The following PPTC7 variants were observed in gnomAD, a reference collection of about 807,000 sequenced individuals.
PPTC7 encodes protein phosphatase targeting COQ7.
In PPTC7, 6 loss-of-function variants were observed where a neutral mutation model predicts 30.8. The ratio of observed to expected loss-of-function variants is 0.19; its 90% CI spans 0.11 to 0.38. The LOEUF is 0.38. PPTC7 is among the 10% of genes least tolerant of loss of function. The pLI, the probability that PPTC7 is intolerant of heterozygous loss-of-function variation, is 1.00. For synonymous variants in PPTC7, 163 were observed against 168.1 expected, an observed-to-expected ratio of 0.97 and a Z score of 0.23; for missense variants, 218 against 404.8, an observed-to-expected ratio of 0.54 and a Z score of 3.96.
chr12:110,562,110 T>G (rs1389131128), intron 1 of PPTC7, among the ~76,000 whole-genome samples: 1 of 151,614 alleles, frequency 6.6e-6, no homozygotes, highest in African/African-American at 2.4e-5. Flanking sequence ...AGCAAGACAC[T>G]GTCTCTATTT....
At chr12:110,538,424 C>T in intron 4 of PPTC7, 151 bp from the exon 5 acceptor site, 1 of 677,908 alleles carries the variant, frequency 1.5e-6, no homozygotes, top group Non-Finnish European at 2.4e-6. Context: ...TCCAGTGCTG[C>T]CTGCACAAGG....
intron 1 of PPTC7, among the ~76,000 whole-genome samples, chr12:110,554,097 C>G (rs1482228057): frequency 6.6e-6 from 1 of 152,208 alleles, no homozygotes; most frequent in East Asian, 1.9e-4. Context: ...AAGTGATCTG[C>G]CCATCTCGGC....
chr12:110,575,393 T>C (rs927288507), intron 1 of PPTC7, among the ~76,000 whole-genome samples: 9 of 151,972 alleles, frequency 5.9e-5, no homozygotes, highest in Non-Finnish European at 8.8e-5. Context: ...TAAAATGAAT[T>C]TGACATTTAG....
chr12:110,568,817 G>A (rs1435635655), intron 1 of PPTC7, among the ~76,000 whole-genome samples: 1 of 152,176 alleles, frequency 6.6e-6, no homozygotes, highest in Non-Finnish European at 1.5e-5. Flanking sequence ...CATTCCCTGG[G>A]TCAGAACTCG....
intron 1 of PPTC7, among the ~76,000 whole-genome samples, chr12:110,558,131 G>A (rs2064404585): frequency 1.3e-5 from 2 of 152,188 alleles, no homozygotes; most frequent in Admixed American, 1.3e-4. Flanking sequence ...TGGCAAGGGT[G>A]TGTAAATGCC....
chr12:110,579,212 C>T (rs2064615737), intron 1 of PPTC7, among the ~76,000 whole-genome samples: 1 of 151,906 alleles, frequency 6.6e-6, no homozygotes, highest in Admixed American at 6.6e-5. Flanking sequence ...ATCATATGAA[C>T]TGGTTCAGGA....
At chr12:110,562,432 A>G (rs1245276752) in intron 1 of PPTC7, among the ~76,000 whole-genome samples, 1 of 151,992 alleles carries the variant, frequency 6.6e-6, no homozygotes, top group Non-Finnish European at 1.5e-5. Context: ...TTTCAGTTCT[A>G]TGGAGGTAAA....
intron 1 of PPTC7, among the ~76,000 whole-genome samples, chr12:110,560,164 C>T (rs536863034): frequency 2.6e-5 from 4 of 152,052 alleles, no homozygotes; most frequent in African/African-American, 7.2e-5. Flanking sequence ...TATTGGGAGG[C>T]TGAGGTAGGA....
chr12:110,572,855 A>T (rs918435750), intron 1 of PPTC7, among the ~76,000 whole-genome samples: 2 of 151,788 alleles, frequency 1.3e-5, no homozygotes, highest in African/African-American at 4.8e-5. Context: ...GACCTATCGT[A>T]ATCTTTTTTA....
At chr12:110,578,944 G>A (rs577227393) in intron 1 of PPTC7, among the ~76,000 whole-genome samples, 1 of 152,088 alleles carries the variant, frequency 6.6e-6, no homozygotes, top group Non-Finnish European at 1.5e-5. Context: ...TCAGGAGTTC[G>A]ACACCAGCCT....
At chr12:110,550,482 G>A (rs530997419) in intron 2 of PPTC7, among the ~76,000 whole-genome samples, 2 of 151,510 alleles carry the variant, frequency 1.3e-5, no homozygotes, top group Admixed American at 6.6e-5. Flanking sequence ...CGCCCACCTC[G>A]GCCTCCCAAA....
At chr12:110,580,916 T>C (rs1198612597) in intron 1 of PPTC7, among the ~76,000 whole-genome samples, 1 of 152,124 alleles carries the variant, frequency 6.6e-6, no homozygotes, top group African/African-American at 2.4e-5. Context: ...CACGCCCGGC[T>C]AATTTTTGTA....
At chr12:110,543,888 C>G (rs2064284412) in intron 3 of PPTC7, among the ~76,000 whole-genome samples, 1 of 152,204 alleles carries the variant, frequency 6.6e-6, no homozygotes, top group Non-Finnish European at 1.5e-5. Flanking sequence ...ACCTGTCTGT[C>G]CCACAGACAG....
At chr12:110,541,433 C>T (rs550637069) in intron 3 of PPTC7, among the ~76,000 whole-genome samples, 59 of 149,516 alleles carry the variant, frequency 3.9e-4, no homozygotes, top group Non-Finnish European at 6.8e-4. Flanking sequence ...ACTTGCCAGT[C>T]GCAGTGGCTC....
chr12:110,553,290 C>T (rs962675566), intron 1 of PPTC7, among the ~76,000 whole-genome samples: 10 of 151,638 alleles, frequency 6.6e-5, no homozygotes, highest in African/African-American at 1.4e-4. Flanking sequence ...GCTGAGACTA[C>T]AGGTGCGTGC....
intron 1 of PPTC7, among the ~76,000 whole-genome samples, chr12:110,577,941 C>T (rs1243973063): frequency 6.6e-6 from 1 of 152,028 alleles, no homozygotes; most frequent in Non-Finnish European, 1.5e-5. Flanking sequence ...GAAAAGCATT[C>T]GAAGCACAAA....
rs139785015 is a variant in PPTC7, at chr12:110,562,000, T to C, written c.224-10032A>G. Among the ~76,000 whole-genome samples, 75 of 152,184 alleles carry C rather than the reference T, an allele frequency of 4.9e-4. No homozygotes were observed. In the East Asian group the frequency reaches 0.013, roughly 26 times the overall value. ...TGTGATTCAAGACTGTGAAATGTTG[T>C]ATCTGCAAATAATTATCCCAAACGG... On this transcript the variant is annotated intron_variant, in intron 1 of 5. Transcript: ENST00000354300.
At position 110,544,169 on chromosome 12, in the gene PPTC7, A is replaced by G. The variant is rs574815697; in HGVS notation, c.602+1711T>C. On this transcript the variant is annotated intron_variant, in intron 3 of 5. Transcript: ENST00000354300. ...TTTTGGATTTAGACTGGTGACCATA[A>G]TTGGAAGAATATTTAGACTTTTACC... is the stretch of plus-strand genomic sequence containing the variant. Among the ~76,000 whole-genome samples the G allele has an allele frequency of 2.6e-5, 4 of 152,348 alleles. No individual in the cohort carries two copies. In the South Asian group the frequency reaches 8.3e-4, roughly 32 times the overall value.
At chr12:110,572,022 T>C (rs1377126729) in intron 1 of PPTC7, among the ~76,000 whole-genome samples, 1 of 152,222 alleles carries the variant, frequency 6.6e-6, no homozygotes, top group Admixed American at 6.5e-5. Flanking sequence ...ACATAGCAGA[T>C]ATGAAAACAG....
Sources: gnomAD v4.1 joint callset for allele counts (sites outside exome capture counted in the v4.1 genomes callset) on GRCh38, gnomAD v4.1.1 for gene constraint, MANE v1.5 for transcripts, NCBI Gene and HGNC (gene_info 2026-07-23, HGNC 2026-07-21) for gene names.